GRIA1: variants seen among roughly 807,000 people sequenced by gnomAD.
GRIA1 encodes the protein glutamate receptor 1.
Under a neutral mutation model 99.2 loss-of-function variants are expected in GRIA1, and 31 were observed. The ratio of observed to expected loss-of-function variants is 0.31; its 90% confidence interval spans 0.23 to 0.42. The LOEUF (loss-of-function observed/expected upper bound fraction) is 0.42. Ranked by LOEUF, GRIA1 falls within the 10% of genes least tolerant of loss-of-function variation. The pLI is 1.00. For synonymous variants in GRIA1, 438 were observed against 432.4 expected (o/e 1.01, Z -0.16); for missense variants, 782 against 1,157.5 (o/e 0.68, Z 4.71).
chr5:153,807,828 T>C (rs1766543386), intron 15 of GRIA1, among the ~76,000 whole-genome samples: 1 of 152,224 alleles, frequency 6.6e-6, no homozygotes. Context: ...CAGCAAAGTA[T>C]TATTCACCAC....
rs149012176 is a variant in GRIA1 at position 153,636,846 on chromosome 5, T to G, written c.221-10082T>G. On this transcript the variant is annotated intron_variant, in intron 2 of 15. Coordinates refer to ENST00000285900, the MANE Select transcript of GRIA1 (RefSeq NM_000827.4). ...GAGTGCTCAGTGTTGGCTGTTATTA[T>G]TATCCAAAGAATGAAAGCTCTGGTT... 6.0e-4 allele frequency among the ~76,000 whole-genome samples: 91 copies of G among 152,388 alleles called. 1 individual carries two copies. The East Asian group carries it at 0.017, about 28-fold the overall frequency.
At chr5:153,646,333 G>C (rs765751239) in intron 2 of GRIA1, among the ~76,000 whole-genome samples, 1 of 152,190 alleles carries the variant, frequency 6.6e-6, no homozygotes, top group Non-Finnish European at 1.5e-5. Context: ...TTTCTTAAAC[G>C]TGTATTAGCA....
rs1046820624 is a variant in GRIA1 at position 153,649,022 on chromosome 5, G to A, written c.461-1308G>A. Among the ~76,000 whole-genome samples the A allele has an allele frequency of 5.3e-5, 8 of 152,322 alleles. No individual in the cohort carries two copies. In the East Asian group the frequency reaches 1.5e-3, roughly 29 times the overall value. On this transcript the variant is annotated intron_variant, in intron 3 of 15. Coordinates refer to ENST00000285900, the MANE Select transcript of GRIA1 (RefSeq NM_000827.4). The stretch of plus-strand genomic sequence containing the variant: ...AATCACAAGGTCCTTAAATGTGGAA[G>A]TTGGAGTCAGAAGAGTCAGTGTCAG...
intron 7 of GRIA1, among the ~76,000 whole-genome samples, chr5:153,684,340 A>G (rs1252313317): frequency 6.6e-6 from 1 of 152,240 alleles, no homozygotes; most frequent in Admixed American, 6.5e-5. Flanking sequence ...ATCATGCACC[A>G]AGCATTGATC....
At chr5:153,681,484 T>C (rs1384089960) in intron 7 of GRIA1, among the ~76,000 whole-genome samples, 1 of 152,118 alleles carries the variant, frequency 6.6e-6, no homozygotes, top group Non-Finnish European at 1.5e-5. Flanking sequence ...TGGATGGGGA[T>C]GTCAATGATA....
At chr5:153,734,947 T>C (rs1406121117) in intron 11 of GRIA1, among the ~76,000 whole-genome samples, 1 of 152,116 alleles carries the variant, frequency 6.6e-6, no homozygotes, top group African/African-American at 2.4e-5. Context: ...CTCTCTAACT[T>C]AGTGGTTCTC....
intron 12 of GRIA1, among the ~76,000 whole-genome samples, chr5:153,768,434 C>T (rs970530491): frequency 3.3e-5 from 5 of 152,136 alleles, no homozygotes; most frequent in Non-Finnish European, 7.4e-5. Context: ...AGAAGTAGAA[C>T]TAAGACTGAT....
chr5:153,579,711 A>G (rs544896894), intron 2 of GRIA1, among the ~76,000 whole-genome samples: 1 of 152,134 alleles, frequency 6.6e-6, no homozygotes, highest in Non-Finnish European at 1.5e-5. Context: ...GCAGAGGTAG[A>G]GTAGGAGTAT....
At chr5:153,584,718 T>C (rs1763323668) in intron 2 of GRIA1, among the ~76,000 whole-genome samples, 4 of 152,208 alleles carry the variant, frequency 2.6e-5, no homozygotes, top group Admixed American at 2.6e-4. Flanking sequence ...CCTGTTATGT[T>C]TTATGCCATT....
chr5:153,806,273 T>A (rs1285081437), intron 15 of GRIA1, among the ~76,000 whole-genome samples: 1 of 152,178 alleles, frequency 6.6e-6, no homozygotes, highest in Non-Finnish European at 1.5e-5. Context: ...CATTTTATTT[T>A]ATTTTATTTT....
intron 11 of GRIA1, among the ~76,000 whole-genome samples, chr5:153,747,456 C>T (rs745946156): frequency 2.0e-5 from 3 of 152,202 alleles, no homozygotes; most frequent in Non-Finnish European, 4.4e-5. Flanking sequence ...TTGGATGAGA[C>T]GAACATCCAA....
At chr5:153,511,274 T>C (rs1756044040) in intron 2 of GRIA1, among the ~76,000 whole-genome samples, 1 of 152,208 alleles carries the variant, frequency 6.6e-6, no homozygotes, top group African/African-American at 2.4e-5. Flanking sequence ...GGGCTTTTAT[T>C]GACCTGGTTG....
intron 2 of GRIA1, among the ~76,000 whole-genome samples, chr5:153,572,738 G>T (rs1762221155): frequency 6.6e-6 from 1 of 152,180 alleles, no homozygotes; most frequent in African/African-American, 2.4e-5. Context: ...AAGCTCAGGG[G>T]ACGACTACGC....
intron 5 of GRIA1, among the ~76,000 whole-genome samples, chr5:153,656,614 T>A (rs1178671845): frequency 6.6e-6 from 1 of 152,050 alleles, no homozygotes; most frequent in Non-Finnish European, 1.5e-5. Context: ...TTTTTTGTCA[T>A]GAAGTTTAAT....
At chr5:153,735,442 C>A (rs554803039) in intron 11 of GRIA1, among the ~76,000 whole-genome samples, 1 of 152,254 alleles carries the variant, frequency 6.6e-6, no homozygotes, top group East Asian at 1.9e-4. Flanking sequence ...GTAATTAGAA[C>A]GGAACAGAAT....
intron 5 of GRIA1, 132 bp from the exon 6 acceptor site, chr5:153,674,368 A>G: frequency 1.1e-6 from 1 of 934,308 alleles, no homozygotes; most frequent in South Asian, 1.6e-5. Flanking sequence ...AAAGGAAAGG[A>G]GGCCTAACTG....
At chr5:153,529,745 T>G (rs574480763) in intron 2 of GRIA1, among the ~76,000 whole-genome samples, 3 of 152,118 alleles carry the variant, frequency 2.0e-5, no homozygotes, top group East Asian at 1.9e-4. Context: ...TTGGGGTAAA[T>G]GGATATCCTG....
intron 6 of GRIA1, 120 bp from the exon 7 acceptor site, chr5:153,676,874 T>C: frequency 1.5e-6 from 1 of 651,088 alleles, no homozygotes. Context: ...ACGTATACCA[T>C]GCATCTGGCC....
At chr5:153,746,188 A>AT (rs1414813669) in intron 11 of GRIA1, among the ~76,000 whole-genome samples, 1 of 56,806 alleles carries the variant, frequency 1.8e-5, no homozygotes, top group African/African-American at 8.0e-5. Flanking sequence ...CCCTTTGAAG[A>AT]ATTGGCTGGG....
Sources: gnomAD v4.1 joint callset for allele counts (sites outside exome capture counted in the v4.1 genomes callset) on GRCh38, gnomAD v4.1.1 for gene constraint, MANE v1.5 for transcripts, NCBI Gene and HGNC (gene_info 2026-07-23, HGNC 2026-07-21) for gene names.